LPIN2: variants seen among roughly 807,000 people sequenced by gnomAD.
LPIN2 encodes lipin 2.
Under a neutral mutation model 111.4 loss-of-function variants are expected in LPIN2, and 55 were observed. The observed-to-expected ratio is 0.49, with a 90% CI of 0.40 to 0.62. LPIN2 has a LOEUF of 0.62. LPIN2 is among the 20% of genes least tolerant of loss of function. LPIN2 has a pLI of 0.00. For missense variants in LPIN2, 992 were observed against 1,112.1 expected, an observed-to-expected ratio of 0.89 and a Z score of 1.54; for synonymous variants, 425 against 414.0, an observed-to-expected ratio of 1.03 and a Z score of -0.32.
intron 1 of LPIN2, chr18:2,990,845 G>A (rs1292239128): frequency 6.0e-5 from 26 of 431,454 alleles, no homozygotes; most frequent in Admixed American, 4.4e-4. Context: ...TCTGTTCCCC[G>A]CCGGCAGGGA....
chr18:2,961,035 T>A lies in LPIN2; in HGVS notation c.-9-186A>T, dbSNP rs652587. 0.57 allele frequency among the ~76,000 whole-genome samples: 86,246 copies of A among 151,722 alleles called. 25,016 individuals are homozygous for A. Among genetic ancestry groups the A allele is most frequent in the Non-Finnish European group, 0.62 (42,228 of 67,906 alleles). ...TTCTACGCATTTCCACACACGGACC[T>A]CCCGAGACTATTCTCCTTTGTATCT... On this transcript the variant is annotated intron_variant, in intron 1 of 19. Transcript: ENST00000677752.
At chr18:2,956,311 GGTGT>G (rs55844718) in intron 2 of LPIN2, among the ~76,000 whole-genome samples, 1,807 of 144,048 alleles carry the variant, frequency 0.013, 39 homozygotes, top group African/African-American at 0.034. Context: ...TAGATGCAGG[GGTGT>G]GTGTGTGTGT....
intron 8 of LPIN2, among the ~76,000 whole-genome samples, chr18:2,932,469 A>G (rs948927585): frequency 1.3e-5 from 2 of 152,178 alleles, no homozygotes; most frequent in African/African-American, 2.4e-5. Flanking sequence ...AGGTTTTTGG[A>G]TATTTTTTCC....
intron 1 of LPIN2, among the ~76,000 whole-genome samples, chr18:3,009,731 G>A (rs1307605705): frequency 2.6e-5 from 4 of 152,070 alleles, no homozygotes; most frequent in Non-Finnish European, 5.9e-5. Flanking sequence ...GTGAACCACC[G>A]CACCCAGCCT....
At position 3,007,445 on chromosome 18, in the gene LPIN2, A is replaced by G. The variant is rs190146329; in HGVS notation, c.-10+5642T>C. Among the ~76,000 whole-genome samples, 22 of 152,376 alleles carry G rather than the reference A, an allele frequency of 1.4e-4. No homozygotes were observed. In the East Asian group the frequency reaches 4.2e-3, roughly 29 times the overall value. Reference sequence around the variant, plus strand: ...CTGGGCCTCCCAAAGTGCTGGGATTACAGGCGTAAGCCACCACACCTATCC... The same window carrying G: ...CTGGGCCTCCCAAAGTGCTGGGATTGCAGGCGTAAGCCACCACACCTATCC... On this transcript the variant is annotated intron_variant, in intron 1 of 19. Coordinates refer to ENST00000677752, the MANE Select transcript of LPIN2 (RefSeq NM_001375808.2).
At chr18:2,977,736 C>T (rs1567849554) in intron 1 of LPIN2, among the ~76,000 whole-genome samples, 1 of 152,008 alleles carries the variant, frequency 6.6e-6, no homozygotes, top group Non-Finnish European at 1.5e-5. Context: ...TGAGTCCTCA[C>T]TGATAGAATA....
chr18:2,986,405 GAA>G (rs1372013112), intron 1 of LPIN2, among the ~76,000 whole-genome samples: 1 of 152,026 alleles, frequency 6.6e-6, no homozygotes, highest in Non-Finnish European at 1.5e-5. Flanking sequence ...GAACAGAAGA[GAA>G]AAAACAAGGG....
chr18:3,005,421 C>T (rs1463290035), intron 1 of LPIN2, among the ~76,000 whole-genome samples: 1 of 151,622 alleles, frequency 6.6e-6, no homozygotes, highest in Non-Finnish European at 1.5e-5. Context: ...ATGCCTGTAA[C>T]CCCCTCAGCA....
At chr18:2,956,311 G>GTGTGTGT (rs2077612603) in intron 2 of LPIN2, among the ~76,000 whole-genome samples, 1 of 143,960 alleles carries the variant, frequency 6.9e-6, no homozygotes, top group African/African-American at 2.7e-5. Flanking sequence ...TAGATGCAGG[G>GTGTGTGT]GTGTGTGTGT....
At chr18:2,978,702 T>C (rs2078059026) in intron 1 of LPIN2, among the ~76,000 whole-genome samples, 1 of 152,264 alleles carries the variant, frequency 6.6e-6, no homozygotes, top group Non-Finnish European at 1.5e-5. Flanking sequence ...TGGCCTCCAC[T>C]ACTGCCTTCA....
In LPIN2 at chr18:2,925,227, C is replaced by T; in HGVS notation, c.1935G>A (p.Gln645=). The change falls in exon 14 of 20, where the codon CAG becomes CAA. Residue 645 remains glutamine, a synonymous_variant. Coordinates refer to ENST00000677752, the MANE Select transcript of LPIN2 (RefSeq NM_001375808.2). The surrounding 1 kb of genome is among the most constrained non-coding windows in gnomAD (Gnocchi z 4.1). ...ACACAGATCATGCAAGACTCACGATCTGGTCTGAGGAGAGGCGGAGAGACT... is the reference window on the plus strand; with the variant it reads ...ACACAGATCATGCAAGACTCACGATTTGGTCTGAGGAGAGGCGGAGAGACT... ...YKKSLRLSSD[Q]IAKLKLHDGP... 1 of 1,614,204 alleles carries T rather than the reference C, an allele frequency of 6.2e-7. No homozygotes were observed.
chr18:3,001,237 C>A (rs2078431308), intron 1 of LPIN2, among the ~76,000 whole-genome samples: 1 of 152,136 alleles, frequency 6.6e-6, no homozygotes, highest in Non-Finnish European at 1.5e-5. Context: ...AGAGAGAAGA[C>A]AATGTGTAAT....
intron 1 of LPIN2, among the ~76,000 whole-genome samples, chr18:3,006,598 G>C (rs2143498369): frequency 6.6e-6 from 1 of 152,288 alleles, no homozygotes; most frequent in South Asian, 2.1e-4. Context: ...AACACTTTGG[G>C]AGGCCGAGGC....
At chr18:3,007,356 A>G (rs1055453693) in intron 1 of LPIN2, among the ~76,000 whole-genome samples, 1 of 152,144 alleles carries the variant, frequency 6.6e-6, no homozygotes, top group African/African-American at 2.4e-5. Context: ...TATTTTTAGT[A>G]GAGACGGGGT....
intron 1 of LPIN2, among the ~76,000 whole-genome samples, chr18:2,993,882 C>A (rs2078302894): frequency 6.6e-6 from 1 of 152,212 alleles, no homozygotes; most frequent in Non-Finnish European, 1.5e-5. Context: ...TATACCGACA[C>A]AACCATACAC....
chr18:2,935,986 T>G (rs893482848), intron 7 of LPIN2, among the ~76,000 whole-genome samples: 6 of 152,220 alleles, frequency 3.9e-5, no homozygotes, highest in African/African-American at 1.4e-4. Flanking sequence ...CTAAAAGAAC[T>G]GGATTTCCCC....
chr18:3,002,238 A>C (rs1270316260), intron 1 of LPIN2, among the ~76,000 whole-genome samples: 5 of 28,000 alleles, frequency 1.8e-4, no homozygotes, highest in South Asian at 1.2e-3. Context: ...CAAAAGACCA[A>C]AAAAAAAAAA....
chr18:2,960,541 C>A, intron 2 of LPIN2, 108 bp downstream of exon 2: 1 of 1,120,940 alleles, frequency 8.9e-7, no homozygotes, highest in Non-Finnish European at 1.3e-6. Flanking sequence ...CTAGAAAACT[C>A]ACAATAGCGA....
intron 4 of LPIN2, among the ~76,000 whole-genome samples, chr18:2,947,573 CTCCT>C (rs1174998966): frequency 1.3e-5 from 2 of 152,202 alleles, no homozygotes; most frequent in Non-Finnish European, 2.9e-5. Context: ...TTCCATCTGC[CTCCT>C]TCAAGGAGCC....
Sources: allele counts gnomAD v4.1 joint callset (sites outside exome capture counted in the v4.1 genomes callset), GRCh38; gene constraint gnomAD v4.1.1; non-coding constraint Gnocchi (gnomAD v3.1); transcripts MANE v1.5; gene names NCBI Gene and HGNC (gene_info 2026-07-23, HGNC 2026-07-21).